The following CLVS2 variants were observed in gnomAD, a reference collection of about 807,000 sequenced individuals.
CLVS2 encodes the protein clavesin-2.
Under a neutral mutation model 29.0 loss-of-function variants are expected in CLVS2, and 19 were observed. That is an observed-to-expected ratio of 0.66 (90% CI 0.46 to 0.96). The LOEUF (loss-of-function observed/expected upper bound fraction) is 0.96. Ranked by LOEUF, CLVS2 falls within the 40% of genes least tolerant of loss-of-function variation. The pLI is 0.00. For missense variants in CLVS2, 294 were observed against 404.1 expected (o/e 0.73, Z 2.34); for synonymous variants, 161 against 151.3 (o/e 1.06, Z -0.47).
At position 123,063,701 on chromosome 6, in the gene CLVS2, A is replaced by G. The variant is rs776625568; in HGVS notation, c.924A>G (p.Val308=). The change falls in exon 6 of 6, where the codon GTA becomes GTG. Residue 308 remains valine (V), a synonymous_variant. Coordinates refer to ENST00000275162, the MANE Select transcript of CLVS2 (RefSeq NM_001010852.4). ...KRSQSVVDPT[V]LKRMDKNEEE... is the part of the protein sequence containing the mutation. ...CTCAATCAGTAGTGGATCCTACAGT[A>G]CTAAAACGCATGGATAAAAATGAGG... The G allele has an allele frequency of 3.1e-6, 5 of 1,612,072 alleles. No homozygotes were observed. Among genetic ancestry groups the G allele is most frequent in the Non-Finnish European group, 4.2e-6 (5 of 1,178,340 alleles).
chr6:123,000,370 C>T (rs2114294121), intron 2 of CLVS2, among the ~76,000 whole-genome samples: 1 of 152,276 alleles, frequency 6.6e-6, no homozygotes, highest in Middle Eastern at 3.4e-3. Flanking sequence ...ATCTACATAA[C>T]CCAATGACAG....
chr6:123,032,256 G>A (rs543365003), intron 3 of CLVS2, among the ~76,000 whole-genome samples: 74 of 152,048 alleles, frequency 4.9e-4, no homozygotes, highest in African/African-American at 1.7e-3. Flanking sequence ...TAATTGATAT[G>A]ATGATGTTTT....
chr6:123,042,882 G>C (rs1001356975), intron 3 of CLVS2, among the ~76,000 whole-genome samples: 1 of 152,000 alleles, frequency 6.6e-6, no homozygotes, highest in Non-Finnish European at 1.5e-5. Context: ...TCTAAAAAAT[G>C]GATACAAGGT....
chr6:123,015,447 T>C (rs560143420), intron 3 of CLVS2, among the ~76,000 whole-genome samples: 108 of 152,152 alleles, frequency 7.1e-4, no homozygotes, highest in African/African-American at 2.6e-3. Flanking sequence ...AAGTGAAACT[T>C]TGAGGAGTTT....
chr6:123,031,810 T>C (rs1292748337), intron 3 of CLVS2, among the ~76,000 whole-genome samples: 3 of 152,000 alleles, frequency 2.0e-5, no homozygotes, highest in Non-Finnish European at 2.9e-5. Context: ...TTTTTTTTAA[T>C]TGCCTTAGCC....
At chr6:123,008,960 A>C (rs898194495) in intron 2 of CLVS2, among the ~76,000 whole-genome samples, 4 of 152,074 alleles carry the variant, frequency 2.6e-5, no homozygotes, top group African/African-American at 4.8e-5. Context: ...AGGCCTTTTG[A>C]CTTTTGCCTT....
At chr6:123,061,248 G>C (rs1772773753) in intron 5 of CLVS2, among the ~76,000 whole-genome samples, 1 of 152,042 alleles carries the variant, frequency 6.6e-6, no homozygotes, top group Admixed American at 6.6e-5. Flanking sequence ...GGTGAGCCGA[G>C]ATGGTGCCAC....
chr6:123,051,769 T>C (rs930975029), intron 4 of CLVS2, among the ~76,000 whole-genome samples: 1 of 152,180 alleles, frequency 6.6e-6, no homozygotes, highest in African/African-American at 2.4e-5. Flanking sequence ...TTATTCAGGC[T>C]AATTCTCAGA....
intron 3 of CLVS2, among the ~76,000 whole-genome samples, chr6:123,017,925 T>C (rs1422988643): frequency 6.6e-6 from 1 of 152,108 alleles, no homozygotes; most frequent in Non-Finnish European, 1.5e-5. Flanking sequence ...ATGAGTGCTC[T>C]AGGGTTATTT....
chr6:123,028,873 G>C (rs1304636090), intron 3 of CLVS2, among the ~76,000 whole-genome samples: 4 of 152,076 alleles, frequency 2.6e-5, no homozygotes, highest in Non-Finnish European at 4.4e-5. Flanking sequence ...TATCGTCAAT[G>C]CTAGGGACTG....
intron 3 of CLVS2, among the ~76,000 whole-genome samples, chr6:123,021,772 C>T (rs1169307178): frequency 6.6e-6 from 1 of 152,024 alleles, no homozygotes; most frequent in African/African-American, 2.4e-5. Flanking sequence ...GATGAGATGC[C>T]TTATTACAGC....
At position 123,067,061 on chromosome 6, in the gene CLVS2, A is replaced by C. The variant is rs1390438241; in HGVS notation, c.*3300A>C. ...ATGGTTTGCATAAGTGTAGACAGAG[A>C]TATTTCCTAAGTTTTTTCATATAGA... On this transcript the variant is annotated 3_prime_UTR_variant, in exon 6 of 6. Coordinates refer to ENST00000275162, the MANE Select transcript of CLVS2 (RefSeq NM_001010852.4). 6.6e-6 allele frequency: 1 copy of C among 151,760 alleles called. No homozygotes were observed. The highest frequency in any genetic ancestry group is 2.4e-5 in the African/African-American group (1 of 41,418). The allele number at this position is 151,760 out of a possible 1,614,324, so 9.4% of individuals were successfully genotyped here.
At chr6:123,052,604 G>A (rs919063313) in intron 4 of CLVS2, among the ~76,000 whole-genome samples, 4 of 152,156 alleles carry the variant, frequency 2.6e-5, no homozygotes, top group African/African-American at 9.7e-5. Context: ...ATGGGTGTAG[G>A]GGTAGAGCTA....
chr6:123,001,724 C>T (rs1774591680), intron 2 of CLVS2, among the ~76,000 whole-genome samples: 1 of 152,178 alleles, frequency 6.6e-6, no homozygotes, highest in African/African-American at 2.4e-5. Context: ...TTCGCAGGAT[C>T]TTATCAACAG....
chr6:123,028,778 C>T (rs1775039175), intron 3 of CLVS2, among the ~76,000 whole-genome samples: 1 of 152,080 alleles, frequency 6.6e-6, no homozygotes, highest in African/African-American at 2.4e-5. Context: ...ATGTTTGTGA[C>T]CTGTTTCTCT....
intron 2 of CLVS2, among the ~76,000 whole-genome samples, chr6:123,003,161 C>T (rs527663573): frequency 2.6e-5 from 4 of 152,240 alleles, no homozygotes; most frequent in East Asian, 1.9e-4. Flanking sequence ...AAAATAATCC[C>T]GAAATAACAG....
intron 3 of CLVS2, among the ~76,000 whole-genome samples, chr6:123,019,583 A>C (rs1774892623): frequency 6.6e-6 from 1 of 152,024 alleles, no homozygotes; most frequent in South Asian, 2.1e-4. Context: ...ACTCTCCACA[A>C]ATTTCCCTGG....
At chr6:123,049,072 G>T (rs1439704016) in intron 4 of CLVS2, among the ~76,000 whole-genome samples, 3 of 152,150 alleles carry the variant, frequency 2.0e-5, no homozygotes, top group Admixed American at 6.5e-5. Flanking sequence ...CTAAACAAAA[G>T]TTATAATTTT....
chr6:123,009,526 A>G (rs1774719173), intron 2 of CLVS2, among the ~76,000 whole-genome samples: 1 of 151,990 alleles, frequency 6.6e-6, no homozygotes, highest in African/African-American at 2.4e-5. Flanking sequence ...GTAAAAATAG[A>G]CCTACTTCCT....
Sources: allele counts gnomAD v4.1 joint callset (sites outside exome capture counted in the v4.1 genomes callset), GRCh38; gene constraint gnomAD v4.1.1; transcripts MANE v1.5; gene names NCBI Gene and HGNC (gene_info 2026-07-23, HGNC 2026-07-21).